Variants in PDE4D observed in about 807,000 individuals in gnomAD.
PDE4D encodes the protein 3',5'-cyclic-AMP phosphodiesterase 4D.
Under a neutral mutation model 87.4 loss-of-function variants are expected in PDE4D, and 24 were observed. That is an observed-to-expected ratio of 0.27 (90% CI 0.20 to 0.39). The LOEUF (loss-of-function observed/expected upper bound fraction) is 0.39. PDE4D is among the 10% of genes least tolerant of loss of function. The pLI, the probability that PDE4D is intolerant of heterozygous loss-of-function variation, is 1.00. For synonymous variants in PDE4D, 384 were observed against 383.2 expected (o/e 1.00, Z -0.02); for missense variants, 714 against 1,041.0 (o/e 0.69, Z 4.32).
intron 1 of PDE4D, among the ~76,000 whole-genome samples, chr5:59,250,308 C>G (rs971143568): frequency 8.2e-6 from 1 of 122,580 alleles, no homozygotes; most frequent in Non-Finnish European, 1.7e-5. Flanking sequence ...GAGACACTGT[C>G]TCTACAAAAA....
chr5:59,341,897 TTACTC>T (rs1234351622), intron 1 of PDE4D, among the ~76,000 whole-genome samples: 4 of 152,184 alleles, frequency 2.6e-5, no homozygotes, highest in Admixed American at 2.6e-4. Context: ...AGCTGACTGT[TTACTC>T]TATGCCAGGC....
chr5:59,968,441 G>A (rs1376537529), intron 3 of PDE4D, among the ~76,000 whole-genome samples: 1 of 151,912 alleles, frequency 6.6e-6, no homozygotes, highest in Non-Finnish European at 1.5e-5. Flanking sequence ...GTAGAGGGAG[G>A]GTGGGATGCA....
intron 1 of PDE4D, among the ~76,000 whole-genome samples, chr5:60,444,651 G>T (rs1477134473): frequency 6.6e-6 from 1 of 151,996 alleles, no homozygotes; most frequent in Non-Finnish European, 1.5e-5. Context: ...TTGGCAGAAG[G>T]AATAACATGT....
intron 2 of PDE4D, among the ~76,000 whole-genome samples, chr5:60,087,606 G>GA (rs1460991525): frequency 5.3e-5 from 8 of 151,896 alleles, no homozygotes; most frequent in African/African-American, 1.9e-4. Context: ...TAACTGAACT[G>GA]AAAAACTCCA....
At chr5:60,517,635 C>T (rs1226452888) in intron 1 of PDE4D, among the ~76,000 whole-genome samples, 1 of 150,856 alleles carries the variant, frequency 6.6e-6, no homozygotes, top group East Asian at 1.9e-4. Context: ...CAGAGAGGAG[C>T]TACCCACTGT....
chr5:59,950,014 C>A (rs1758133103), intron 3 of PDE4D, among the ~76,000 whole-genome samples: 1 of 152,146 alleles, frequency 6.6e-6, no homozygotes, highest in African/African-American at 2.4e-5. Context: ...CTTCAAACAT[C>A]AGAGTTAAAG....
At chr5:60,073,785 T>G (rs1292129030) in intron 2 of PDE4D, among the ~76,000 whole-genome samples, 1 of 152,076 alleles carries the variant, frequency 6.6e-6, no homozygotes, top group Non-Finnish European at 1.5e-5. Context: ...TTATCAATTT[T>G]TCTAGATTTT....
intron 2 of PDE4D, among the ~76,000 whole-genome samples, chr5:59,989,087 C>CATATATATATATATATATAT (rs541522751): frequency 1.1e-4 from 11 of 100,416 alleles, no homozygotes; most frequent in South Asian, 3.7e-4. Flanking sequence ...ATGCATGTGT[C>CATATATATATATATATATAT]ATATATATAT....
intron 5 of PDE4D, among the ~76,000 whole-genome samples, chr5:59,145,510 A>G (rs1313495843): frequency 6.6e-6 from 1 of 152,236 alleles, no homozygotes; most frequent in Non-Finnish European, 1.5e-5. Flanking sequence ...AAGAAGTGAG[A>G]TTCCCAATGA....
rs573833084 is a variant in PDE4D, at chr5:59,672,478, C to T, written c.455+220690G>A. Among the ~76,000 whole-genome samples the T allele has an allele frequency of 4.6e-5, 7 of 152,264 alleles. No homozygotes were observed. In the South Asian group the frequency reaches 1.5e-3, roughly 32 times the overall value. On this transcript the variant is annotated intron_variant, in intron 1 of 14. Coordinates refer to ENST00000340635, the MANE Select transcript of PDE4D (RefSeq NM_001104631.2). ...GAAATGTGATAATAACCTGATATTC[C>T]TCCTCAAATCTCTGGATATTTGGTT...
chr5:59,250,761 C>T (rs1485732281), intron 1 of PDE4D, among the ~76,000 whole-genome samples: 3 of 152,070 alleles, frequency 2.0e-5, no homozygotes, highest in African/African-American at 7.2e-5. Flanking sequence ...GGAGGCATCA[C>T]CTTGCCCAAC....
At chr5:59,654,651 C>T (rs186293034) in intron 1 of PDE4D, among the ~76,000 whole-genome samples, 32 of 152,260 alleles carry the variant, frequency 2.1e-4, no homozygotes, top group Non-Finnish European at 2.8e-4. Context: ...GACATTAGTG[C>T]ATTCACAGAG....
At chr5:60,494,321 G>T (rs1004493823) in intron 1 of PDE4D, among the ~76,000 whole-genome samples, 1 of 152,178 alleles carries the variant, frequency 6.6e-6, no homozygotes, top group Non-Finnish European at 1.5e-5. Context: ...CTCTGCTGGT[G>T]CAGCTACAGA....
At chr5:60,152,846 G>A (rs752443327) in intron 2 of PDE4D, among the ~76,000 whole-genome samples, 2 of 152,208 alleles carry the variant, frequency 1.3e-5, no homozygotes, top group African/African-American at 4.8e-5. Context: ...TATCCAATTT[G>A]TTGGTGTATA....
At chr5:60,105,877 C>G (rs1776837869) in intron 2 of PDE4D, among the ~76,000 whole-genome samples, 1 of 152,158 alleles carries the variant, frequency 6.6e-6, no homozygotes, top group Non-Finnish European at 1.5e-5. Context: ...TGGAAAGGAA[C>G]AACCAGTACC....
chr5:60,102,985 A>G (rs1348966261), intron 2 of PDE4D, among the ~76,000 whole-genome samples: 1 of 152,020 alleles, frequency 6.6e-6, no homozygotes, highest in Non-Finnish European at 1.5e-5. Context: ...GACAAAAAAA[A>G]AAAAACAGAA....
rs779846200 is a variant in PDE4D at position 59,241,675 on chromosome 5, TAA to T, written c.456-25709_456-25708del. Among the ~76,000 whole-genome samples the T allele has an allele frequency of 1.5e-4, 23 of 152,340 alleles. No individual in the cohort carries two copies. The South Asian group carries it at 3.7e-3, about 25-fold the overall frequency. On this transcript the variant is annotated intron_variant, in intron 1 of 14. Transcript: ENST00000340635. Reference sequence around the variant, plus strand: ...GAAATTCCACTGACACTCAGGGGACTAAGTTATGTAGTTTAACTAAATTTGAC... The same window carrying T: ...GAAATTCCACTGACACTCAGGGGACTGTTATGTAGTTTAACTAAATTTGAC...
chr5:59,119,872 T>C (rs908311262), intron 5 of PDE4D, among the ~76,000 whole-genome samples: 2 of 152,122 alleles, frequency 1.3e-5, no homozygotes, highest in African/African-American at 4.8e-5. Context: ...TGAGATGGGG[T>C]CTTGTTCTGC....
intron 2 of PDE4D, among the ~76,000 whole-genome samples, chr5:60,168,721 G>C (rs1056589237): frequency 6.6e-6 from 1 of 152,080 alleles, no homozygotes; most frequent in African/African-American, 2.4e-5. Flanking sequence ...TATGTAAATA[G>C]TTACACTGTA....
Sources: gnomAD v4.1 joint callset for allele counts (sites outside exome capture counted in the v4.1 genomes callset) on GRCh38, gnomAD v4.1.1 for gene constraint, MANE v1.5 for transcripts, NCBI Gene and HGNC (gene_info 2026-07-23, HGNC 2026-07-21) for gene names.